GRIN2B: variants seen among roughly 807,000 people sequenced by gnomAD.
GRIN2B encodes the protein glutamate ionotropic receptor NMDA type subunit 2B, also known as glutamate receptor ionotropic, NMDA 2B.
Under a neutral mutation model 114.5 loss-of-function variants are expected in GRIN2B, and 5 were observed. The observed-to-expected ratio is 0.04, with a 90% CI of 0.02 to 0.09. GRIN2B has a LOEUF of 0.09. GRIN2B is among the 10% of genes least tolerant of loss of function. The pLI is 1.00. For missense variants in GRIN2B, 1,108 were observed against 1,943.5 expected, an observed-to-expected ratio of 0.57 and a Z score of 8.08; for synonymous variants, 787 against 745.1, an observed-to-expected ratio of 1.06 and a Z score of -0.92.
rs576034622 is a variant in GRIN2B at position 13,577,002 on chromosome 12, C to T, written c.2011-5038G>A. 1.6e-4 allele frequency among the ~76,000 whole-genome samples: 24 copies of T among 152,280 alleles called. No homozygotes were observed. In the South Asian group the frequency reaches 5.0e-3, roughly 32 times the overall value. ...AGGCCCCATTTCATAGATGAGGAAA[C>T]CGAAGTCCTGAAGAGATCAAGTCGT... On this transcript the variant is annotated intron_variant, in intron 10 of 13. Coordinates refer to ENST00000609686, the MANE Select transcript of GRIN2B (RefSeq NM_000834.5).
At position 13,884,671 on chromosome 12, in the gene GRIN2B, T is replaced by C. The variant is rs192358688; in HGVS notation, c.-18-18445A>G. 2.3e-4 allele frequency among the ~76,000 whole-genome samples: 35 copies of C among 152,246 alleles called. No individual in the cohort carries two copies. In the East Asian group the frequency reaches 6.2e-3, roughly 27 times the overall value. ...AGTAACAGAGAACATCCTTATCTTC[T>C]TCCTTATCTTAGGGGTAGCATATTC... On this transcript the variant is annotated intron_variant, in intron 2 of 13. Coordinates refer to ENST00000609686, the MANE Select transcript of GRIN2B (RefSeq NM_000834.5).
intron 2 of GRIN2B, among the ~76,000 whole-genome samples, chr12:13,968,336 G>T (rs1867823441): frequency 6.6e-6 from 1 of 152,152 alleles, no homozygotes; most frequent in African/African-American, 2.4e-5. Flanking sequence ...TTATGGTTGA[G>T]GAGATTTTTT....
At chr12:13,622,239 T>C (rs777077170) in intron 5 of GRIN2B, among the ~76,000 whole-genome samples, 1 of 152,222 alleles carries the variant, frequency 6.6e-6, no homozygotes, top group Admixed American at 6.5e-5. Flanking sequence ...GGATGTAACA[T>C]GAAACACTTG....
In GRIN2B at chr12:13,570,026, G is replaced by C. The variant is rs1555103671; in HGVS notation, c.2172-9C>G. On this transcript the variant is annotated splice_polypyrimidine_tract_variant and intron_variant, in intron 11 of 13. Coordinates refer to ENST00000609686, the MANE Select transcript of GRIN2B (RefSeq NM_000834.5). ...TGAAGGCATCCAGTTTCCTGTACAG[G>C]AAAAAAGCAAACAAATCCAATGGAG... The C allele has an allele frequency of 5.0e-6, 8 of 1,603,342 alleles. No individual in the cohort carries two copies. The South Asian group carries it at 6.6e-5, about 13-fold the overall frequency.
chr12:13,549,721 C>T lies in GRIN2B; in HGVS notation c.*13062G>A, dbSNP rs1948387151. 1 of 152,176 alleles carries T rather than the reference C, an allele frequency of 6.6e-6. No homozygotes were observed. The highest frequency in any genetic ancestry group is 1.5e-5 in the Non-Finnish European group (1 of 68,026). 9.4% of individuals were successfully genotyped at this position (152,176 alleles called of 1,614,324 possible). ...ATTTTTAATAATAAAAAATTATTCA[C>T]AATATCTTACCCTATAGAATTCAAA... On this transcript the variant is annotated 3_prime_UTR_variant, in exon 14 of 14. Coordinates refer to ENST00000609686, the MANE Select transcript of GRIN2B (RefSeq NM_000834.5).
At chr12:13,574,638 T>C (rs1240145764) in intron 10 of GRIN2B, among the ~76,000 whole-genome samples, 1 of 152,274 alleles carries the variant, frequency 6.6e-6, no homozygotes, top group African/African-American at 2.4e-5. Flanking sequence ...CTGATGAAGC[T>C]ACATTATAGG....
At chr12:13,839,273 G>T (rs565610361) in intron 3 of GRIN2B, among the ~76,000 whole-genome samples, 1 of 152,286 alleles carries the variant, frequency 6.6e-6, no homozygotes, top group South Asian at 2.1e-4. Context: ...CAGAACAAGG[G>T]AGACAGGTTG....
At chr12:13,657,823 C>A (rs763325942) in intron 5 of GRIN2B, among the ~76,000 whole-genome samples, 2 of 152,138 alleles carry the variant, frequency 1.3e-5, no homozygotes, top group Non-Finnish European at 2.9e-5. Flanking sequence ...TTTATGACAT[C>A]ATTCACAGCA....
intron 2 of GRIN2B, among the ~76,000 whole-genome samples, chr12:13,912,675 G>C (rs1334687990): frequency 1.3e-5 from 2 of 152,158 alleles, no homozygotes; most frequent in African/African-American, 4.8e-5. Flanking sequence ...TGGAGGTGCT[G>C]GTTCAAACGA....
chr12:13,845,107 A>G (rs981085282), intron 3 of GRIN2B, among the ~76,000 whole-genome samples: 2 of 152,152 alleles, frequency 1.3e-5, no homozygotes, highest in African/African-American at 4.8e-5. Context: ...AGGAAATAAA[A>G]GAACTATCTA....
intron 3 of GRIN2B, among the ~76,000 whole-genome samples, chr12:13,808,679 T>C (rs1009063944): frequency 8.6e-5 from 13 of 150,498 alleles, no homozygotes; most frequent in African/African-American, 3.2e-4. Context: ...ACCAACATGG[T>C]ACATTTATAC....
chr12:13,613,550 T>C (rs1183096105), intron 8 of GRIN2B, among the ~76,000 whole-genome samples: 1 of 152,128 alleles, frequency 6.6e-6, no homozygotes, highest in Non-Finnish European at 1.5e-5. Context: ...TGTCCCCCCA[T>C]GCTGGTTCCT....
chr12:13,876,415 T>A (rs1328261515), intron 2 of GRIN2B, among the ~76,000 whole-genome samples: 8 of 152,196 alleles, frequency 5.3e-5, no homozygotes, highest in Non-Finnish European at 1.0e-4. Context: ...TTGACTCCAA[T>A]TACTTAGAAA....
intron 2 of GRIN2B, among the ~76,000 whole-genome samples, chr12:13,965,579 A>G (rs1019031077): frequency 2.6e-5 from 4 of 150,986 alleles, no homozygotes; most frequent in African/African-American, 9.7e-5. Flanking sequence ...ACACACACAC[A>G]CGTGTGTGTG....
chr12:13,571,106 A>G lies in GRIN2B; in HGVS notation c.2171+698T>C, dbSNP rs527705681. 2.1e-4 allele frequency among the ~76,000 whole-genome samples: 32 copies of G among 152,356 alleles called. No individual in the cohort carries two copies. The South Asian group carries it at 4.3e-3, about 21-fold the overall frequency. ...TTTCCAGACCTGGAGCTACAAGGGT[A>G]TTGAGACAAGGTCCAAGTGCTGTTA... On this transcript the variant is annotated intron_variant, in intron 11 of 13. Transcript: ENST00000609686.
At chr12:13,713,270 A>C (rs184245032) in intron 4 of GRIN2B, among the ~76,000 whole-genome samples, 34 of 151,970 alleles carry the variant, frequency 2.2e-4, no homozygotes, top group African/African-American at 7.7e-4. Context: ...CCTAGCAGAC[A>C]TAATTAGCAG....
chr12:13,844,293 G>T (rs950087551), intron 3 of GRIN2B, among the ~76,000 whole-genome samples: 3 of 151,890 alleles, frequency 2.0e-5, no homozygotes, highest in South Asian at 2.1e-4. Flanking sequence ...CCTCTGTATG[G>T]GTCCATTCCT....
chr12:13,941,585 G>T (rs549372570), intron 2 of GRIN2B, among the ~76,000 whole-genome samples: 6 of 152,306 alleles, frequency 3.9e-5, no homozygotes, highest in African/African-American at 1.4e-4. Context: ...GTCTAGAGAA[G>T]TTGGGGACAG....
At chr12:13,807,850 T>G (rs896021293) in intron 3 of GRIN2B, among the ~76,000 whole-genome samples, 1 of 151,564 alleles carries the variant, frequency 6.6e-6, no homozygotes, top group East Asian at 2.0e-4. Flanking sequence ...AGGACTGTCA[T>G]AGAATCAGGA....
Sources: gnomAD v4.1 joint callset for allele counts (sites outside exome capture counted in the v4.1 genomes callset) on GRCh38, gnomAD v4.1.1 for gene constraint, MANE v1.5 for transcripts, NCBI Gene and HGNC (gene_info 2026-07-23, HGNC 2026-07-21) for gene names.